DIS3L: variants seen among roughly 807,000 people sequenced by gnomAD.
The protein encoded by DIS3L is DIS3 like exosome 3'-5' exoribonuclease.
Under a neutral mutation model 120.3 loss-of-function variants are expected in DIS3L, and 100 were observed. That is an observed-to-expected ratio of 0.83 (90% confidence interval 0.71 to 0.98). The LOEUF (loss-of-function observed/expected upper bound fraction) is 0.98. DIS3L is among the 50% of genes least tolerant of loss of function. The probability of loss-of-function intolerance (pLI) is 0.00; values close to 1 mark genes in which losing one functional copy is unlikely to be tolerated. For missense variants in DIS3L, 1,196 were observed against 1,314.2 expected (o/e 0.91, Z 1.39); for synonymous variants, 426 against 470.6 (o/e 0.91, Z 1.23).
At chr15:66,330,462 G>A (rs1284234037) in intron 14 of DIS3L, 2 of 985,258 alleles carry the variant, frequency 2.0e-6, no homozygotes, top group African/African-American at 1.7e-5. Context: ...AGACTATTGG[G>A]TAACGCAGGA....
intron 7 of DIS3L, among the ~76,000 whole-genome samples, chr15:66,317,863 GAACAAA>G (rs1467091568): frequency 2.7e-5 from 4 of 147,808 alleles, no homozygotes; most frequent in East Asian, 2.0e-4. Context: ...AAAAAGAAAC[GAACAAA>G]AACAAAAAGT....
intron 5 of DIS3L, 126 bp downstream of exon 5, chr15:66,312,026 G>T: frequency 9.2e-7 from 1 of 1,085,370 alleles, no homozygotes; most frequent in Non-Finnish European, 1.3e-6. Context: ...GGGCAACATA[G>T]TGAAACCCTG....
At position 66,317,841 on chromosome 15, in the gene DIS3L, TAAA is replaced by T. The variant is rs35644337; in HGVS notation, c.995-594_995-592del. On this transcript the variant is annotated intron_variant, in intron 7 of 16. Coordinates refer to ENST00000319212, the MANE Select transcript of DIS3L (RefSeq NM_001143688.3). ...GGCAGCATAGTGAGATCCTGTTTCT[TAAA>T]AAAAAAAAAAAAAGAAACGAACAAA... is the stretch of plus-strand genomic sequence containing the variant. Among the ~76,000 whole-genome samples, 545 of 130,294 alleles carry T rather than the reference TAAA, an allele frequency of 4.2e-3. 6 individuals are homozygous for T. Among genetic ancestry groups the T allele is most frequent in the African/African-American group, 0.014 (518 of 36,628 alleles). 85.5% of individuals were successfully genotyped at this position (130,294 alleles called of 152,430 possible).
intron 3 of DIS3L, among the ~76,000 whole-genome samples, 166 bp from the exon 4 acceptor site, chr15:66,308,543 C>T (rs1341525877): frequency 1.3e-5 from 2 of 152,176 alleles, no homozygotes; most frequent in Non-Finnish European, 2.9e-5. Flanking sequence ...TCCCCCAGAG[C>T]ACCCAGCCCA....
upstream of DIS3L, chr15:66,293,330 C>T (rs2092541989): frequency 2.6e-6 from 1 of 387,054 alleles, no homozygotes; most frequent in Non-Finnish European, 3.9e-6. Flanking sequence ...CTTCACCTGC[C>T]GTCCAGGTAT....
chr15:66,328,495 G>C (rs1044294229), intron 12 of DIS3L, among the ~76,000 whole-genome samples: 2 of 152,062 alleles, frequency 1.3e-5, no homozygotes, highest in Admixed American at 1.3e-4. Flanking sequence ...TTCAAGACTA[G>C]CCTGGGCAAC....
chr15:66,326,576 G>GA, intron 12 of DIS3L: 1 of 578,438 alleles, frequency 1.7e-6, no homozygotes, highest in Non-Finnish European at 2.9e-6. Context: ...TTGTTCCTTG[G>GA]TTTTTTGTTT....
chr15:66,329,524 T>C, intron 14 of DIS3L, 125 bp downstream of exon 14: 1 of 1,354,700 alleles, frequency 7.4e-7, no homozygotes, highest in Non-Finnish European at 9.6e-7. Context: ...TTCTAACCAG[T>C]GCTTTCAGAA....
chr15:66,305,289 G>A (rs943769444), intron 2 of DIS3L, among the ~76,000 whole-genome samples: 13 of 151,676 alleles, frequency 8.6e-5, no homozygotes, highest in African/African-American at 2.4e-4. Context: ...GTGAGCCACC[G>A]CACCCAGCCC....
In DIS3L at chr15:66,326,049, T is replaced by C. The variant is rs372600238; in HGVS notation, c.1886T>C (p.Ile629Thr). 124 of 1,613,818 alleles carry C rather than the reference T, an allele frequency of 7.7e-5. No homozygotes were observed. Among genetic ancestry groups the C allele is most frequent in the African/African-American group, 6.4e-4 (48 of 74,872 alleles). The change falls in exon 12 of 17, where the codon ATT becomes ACT. Residue 629 changes from isoleucine to threonine, a missense_variant. Coordinates refer to ENST00000319212, the MANE Select transcript of DIS3L (RefSeq NM_001143688.3). ...QAKLEELVWA[I>T]GKLTDIARHV... ...AAGCTGGAGGAGTTGGTGTGGGCAA[T>C]TGGAAAGCTGACCGACATAGCTCGC...
intron 4 of DIS3L, among the ~76,000 whole-genome samples, chr15:66,309,381 C>G (rs1266840030): frequency 6.6e-6 from 1 of 151,720 alleles, no homozygotes; most frequent in Non-Finnish European, 1.5e-5. Flanking sequence ...TGACAGTAAA[C>G]TAACATTTAT....
intron 10 of DIS3L, 111 bp from the exon 11 acceptor site, chr15:66,323,382 T>C: frequency 9.8e-7 from 1 of 1,018,442 alleles, no homozygotes; most frequent in Non-Finnish European, 1.5e-6. Context: ...AGCAACAGCC[T>C]TGGGGAATCT....
Position 66,293,660 on chromosome 15 carries a change from G to C in DIS3L, c.64G>C (p.Val22Leu). 1 of 1,430,242 alleles carries C rather than the reference G, an allele frequency of 7.0e-7. No individual in the cohort carries two copies. The highest frequency in any genetic ancestry group is 9.2e-7 in the Non-Finnish European group (1 of 1,091,318). 88.6% of individuals were successfully genotyped at this position (1,430,242 alleles called of 1,614,324 possible). Residue 22 changes from valine (V) to leucine (L), a missense_variant, in exon 1 of 17, where the codon GTG becomes CTG. Transcript: ENST00000319212. ...CTTCCAGGGCCGCACGCTGCGGATC[G>C]TGCGCGAGCACTACCTGCGGCCCTG... ...RTFQGRTLRI[V>L]REHYLRPCVP...
At chr15:66,332,508 GTGTGTGTA>G (rs1407990058) in intron 15 of DIS3L, among the ~76,000 whole-genome samples, 3 of 82,924 alleles carry the variant, frequency 3.6e-5, no homozygotes, top group South Asian at 4.7e-4. Context: ...GTGTGTGTGT[GTGTGTGTA>G]TATATATACA....
At chr15:66,325,445 C>G (rs1009140756) in intron 11 of DIS3L, among the ~76,000 whole-genome samples, 1 of 152,144 alleles carries the variant, frequency 6.6e-6, no homozygotes, top group African/African-American at 2.4e-5. Context: ...CATATGAACT[C>G]ATTTCAAATT....
In DIS3L at chr15:66,293,622, T is replaced by A; in HGVS notation, c.26T>A (p.Leu9Gln). The change falls in exon 1 of 17, where the codon CTG becomes CAG. Residue 9 changes from leucine to glutamine, a missense_variant. Coordinates refer to ENST00000319212, the MANE Select transcript of DIS3L (RefSeq NM_001143688.3). MLQKREKVLLLRTFQGRTL... is the reference protein window; with the variant it reads MLQKREKVQLLRTFQGRTL... ...ATGCTGCAGAAGCGGGAGAAGGTGC[T>A]GCTGCTGAGGACCTTCCAGGGCCGC... is the stretch of plus-strand genomic sequence containing the variant. The A allele has an allele frequency of 6.9e-7, 1 of 1,447,262 alleles. No individual in the cohort carries two copies. Among genetic ancestry groups the A allele is most frequent in the Non-Finnish European group, 9.1e-7 (1 of 1,102,488 alleles). 89.7% of individuals were successfully genotyped at this position (1,447,262 alleles called of 1,614,324 possible).
intron 2 of DIS3L, among the ~76,000 whole-genome samples, chr15:66,301,200 A>T (rs2092643988): frequency 6.6e-6 from 1 of 152,306 alleles, no homozygotes; most frequent in East Asian, 1.9e-4. Flanking sequence ...TTAAAACATT[A>T]AGATGATGGA....
intron 5 of DIS3L, among the ~76,000 whole-genome samples, chr15:66,313,637 G>A (rs576559669): frequency 2.6e-5 from 4 of 152,094 alleles, no homozygotes; most frequent in Admixed American, 6.6e-5. Flanking sequence ...GGCTGAGGCA[G>A]GAGAATTGCT....
At chr15:66,302,860 T>C (rs1201971168) in intron 2 of DIS3L, among the ~76,000 whole-genome samples, 1 of 152,246 alleles carries the variant, frequency 6.6e-6, no homozygotes, top group African/African-American at 2.4e-5. Flanking sequence ...TTAACTATTT[T>C]TAAGTGCACA....
Sources: gnomAD v4.1 joint callset for allele counts (sites outside exome capture counted in the v4.1 genomes callset) on GRCh38, gnomAD v4.1.1 for gene constraint, MANE v1.5 for transcripts, NCBI Gene and HGNC (gene_info 2026-07-23, HGNC 2026-07-21) for gene names.